MEF2C: variants seen among roughly 807,000 people sequenced by gnomAD.
MEF2C encodes the protein myocyte-specific enhancer factor 2C.
In MEF2C, 6 loss-of-function variants were observed where a neutral mutation model predicts 50.5. That is an observed-to-expected ratio of 0.12 (90% CI 0.07 to 0.23). MEF2C has a LOEUF of 0.23. MEF2C is among the 10% of genes least tolerant of loss of function. MEF2C has a pLI of 1.00. For missense variants in MEF2C, 276 were observed against 605.0 expected (o/e 0.46, Z 5.70); for synonymous variants, 183 against 228.0 (o/e 0.80, Z 1.78).
intron 7 of MEF2C, 132 bp downstream of exon 7, chr5:88,731,597 C>T: frequency 1.2e-6 from 1 of 804,574 alleles, no homozygotes; most frequent in Non-Finnish European, 2.0e-6. Context: ...ACAAGCAAGG[C>T]TCTGTCAATG....
chr5:88,820,096 T>G (rs1339153098), intron 2 of MEF2C, among the ~76,000 whole-genome samples: 1 of 151,708 alleles, frequency 6.6e-6, no homozygotes, highest in Non-Finnish European at 1.5e-5. Flanking sequence ...TATATAGTTC[T>G]TGGCACATAA....
chr5:88,899,688 A>G (rs933516938), intron 1 of MEF2C, among the ~76,000 whole-genome samples: 6 of 152,178 alleles, frequency 3.9e-5, no homozygotes, highest in Non-Finnish European at 8.8e-5. Flanking sequence ...ATGCAGGGCA[A>G]TGATTAAACT....
chr5:88,812,219 C>T (rs1320622327), intron 2 of MEF2C, among the ~76,000 whole-genome samples: 2 of 152,018 alleles, frequency 1.3e-5, no homozygotes, highest in Non-Finnish European at 2.9e-5. Context: ...TTCTCGAGTA[C>T]CTGGGCCATC....
At chr5:88,791,973 TGCTTG>T (rs1793966889) in intron 3 of MEF2C, among the ~76,000 whole-genome samples, 1 of 152,088 alleles carries the variant, frequency 6.6e-6, no homozygotes, top group Non-Finnish European at 1.5e-5. Flanking sequence ...AGCAATTATA[TGCTTG>T]GCTTAACAGA....
intron 4 of MEF2C, among the ~76,000 whole-genome samples, chr5:88,758,979 G>C (rs1776628193): frequency 6.6e-6 from 1 of 152,104 alleles, no homozygotes; most frequent in Non-Finnish European, 1.5e-5. Context: ...AGAACTTTAG[G>C]GGTTAAAACT....
intron 3 of MEF2C, among the ~76,000 whole-genome samples, chr5:88,784,615 T>G (rs1789928592): frequency 6.6e-6 from 1 of 152,152 alleles, no homozygotes; most frequent in African/African-American, 2.4e-5. Flanking sequence ...AGAACCAATA[T>G]TTTCCATATT....
chr5:88,791,177 A>C (rs1268188787), intron 3 of MEF2C, among the ~76,000 whole-genome samples: 1 of 152,178 alleles, frequency 6.6e-6, no homozygotes, highest in Non-Finnish European at 1.5e-5. Flanking sequence ...TATGCTGCTT[A>C]CCACCAAGTT....
chr5:88,797,531 T>G (rs1473534865), intron 3 of MEF2C, among the ~76,000 whole-genome samples: 10 of 140,690 alleles, frequency 7.1e-5, no homozygotes. Context: ...ATTTTGAGCC[T>G]ATGTGTGTCT....
chr5:88,769,027 T>C, intron 3 of MEF2C, among the ~76,000 whole-genome samples: 1 of 152,166 alleles, frequency 6.6e-6, no homozygotes. Context: ...CATAAGCATA[T>C]AATCTCAGTG....
At chr5:88,878,048 C>T (rs1055992029) in intron 1 of MEF2C, 1 of 152,042 alleles carries the variant, frequency 6.6e-6, no homozygotes, top group African/African-American at 2.4e-5. Context: ...CACCCCCTTA[C>T]ATTCTTTGAA....
chr5:88,892,736 CAG>C (rs1372356807), intron 1 of MEF2C, among the ~76,000 whole-genome samples: 2 of 152,180 alleles, frequency 1.3e-5, no homozygotes, highest in African/African-American at 4.8e-5. Flanking sequence ...ACTGAAAACT[CAG>C]AGTCTATCCT....
upstream of MEF2C, among the ~76,000 whole-genome samples, chr5:88,885,147 T>G (rs1332371947): frequency 6.6e-6 from 1 of 152,222 alleles, no homozygotes; most frequent in Non-Finnish European, 1.5e-5. Context: ...ACTAGTTGTA[T>G]TTCCTGTTAA....
rs546886553 is a variant in MEF2C, at chr5:88,718,937, C to T, written c.*3667G>A. The stretch of plus-strand genomic sequence containing the variant: ...CAGGAAATTAACGCCATAAAAGTGA[C>T]GACATCACGGCAGATGGCACAAATG... On this transcript the variant is annotated 3_prime_UTR_variant, in exon 11 of 11. Coordinates refer to ENST00000504921, the MANE Select transcript of MEF2C (RefSeq NM_002397.5). The T allele has an allele frequency of 2.0e-5, 3 of 152,242 alleles. No individual in the cohort carries two copies. Among genetic ancestry groups the T allele is most frequent in the East Asian group, 1.9e-4 (1 of 5,190 alleles). 9.4% of individuals were successfully genotyped at this position (152,242 alleles called of 1,614,324 possible). A position where few individuals can be genotyped will look rare whatever the true frequency, so the allele number is the denominator to read the frequency against.
chr5:88,883,289 G>C (rs1159506521), upstream of MEF2C: 1 of 152,382 alleles, frequency 6.6e-6, no homozygotes, highest in African/African-American at 2.4e-5. Flanking sequence ...CGCGCGCGCC[G>C]AGGCCGCTCG....
intron 6 of MEF2C, chr5:88,735,564 C>T (rs1225221862): frequency 5.1e-6 from 5 of 973,216 alleles, no homozygotes; most frequent in Admixed American, 1.2e-4. Context: ...TATTGTTTTA[C>T]ATAAAAATAA....
intron 3 of MEF2C, among the ~76,000 whole-genome samples, chr5:88,793,979 CT>C (rs1232331430): frequency 2.5e-4 from 38 of 152,230 alleles, no homozygotes; most frequent in Admixed American, 7.9e-4. Flanking sequence ...TGAACTCATC[CT>C]TTTTTATGGC....
At chr5:88,741,546 T>A in intron 6 of MEF2C, 1 of 985,422 alleles carries the variant, frequency 1.0e-6, no homozygotes, top group Non-Finnish European at 1.2e-6. Flanking sequence ...ACTGAGTTGC[T>A]TAATATTAGA....
intron 1 of MEF2C, among the ~76,000 whole-genome samples, chr5:88,829,657 A>T (rs1401315431): frequency 6.6e-6 from 1 of 152,004 alleles, no homozygotes; most frequent in African/African-American, 2.4e-5. Flanking sequence ...CTCACTTAAT[A>T]CTTCGCCATA....
chr5:88,857,943 G>A (rs1486707045), intron 1 of MEF2C, among the ~76,000 whole-genome samples: 5 of 152,144 alleles, frequency 3.3e-5, no homozygotes, highest in Admixed American at 6.5e-5. Context: ...TCTAGAGGAC[G>A]CAGAGAAAAA....
Sources: gnomAD v4.1 joint callset for allele counts (sites outside exome capture counted in the v4.1 genomes callset) on GRCh38, gnomAD v4.1.1 for gene constraint, MANE v1.5 for transcripts, NCBI Gene and HGNC (gene_info 2026-07-23, HGNC 2026-07-21) for gene names.